The following OSBP2 variants were observed in gnomAD, a reference collection of about 807,000 sequenced individuals.
OSBP2 encodes the protein oxysterol binding protein 2.
In OSBP2, 66 loss-of-function variants were observed where a neutral mutation model predicts 96.0. That is an observed-to-expected ratio of 0.69 (90% CI 0.56 to 0.84). The LOEUF (loss-of-function observed/expected upper bound fraction) is 0.84. OSBP2 is among the 40% of genes least tolerant of loss of function. The pLI is 0.00. For missense variants in OSBP2, 1,038 were observed against 1,222.7 expected (o/e 0.85, Z 2.25); for synonymous variants, 525 against 520.9 (o/e 1.01, Z -0.11).
intron 2 of OSBP2, among the ~76,000 whole-genome samples, chr22:30,854,146 C>G (rs1013149302): frequency 6.6e-6 from 1 of 152,122 alleles, no homozygotes; most frequent in Non-Finnish European, 1.5e-5. Context: ...TTCACCACTT[C>G]AGCTGAAACC....
intron 1 of OSBP2, among the ~76,000 whole-genome samples, chr22:30,699,656 C>T (rs1011201713): frequency 5.3e-5 from 8 of 152,212 alleles, no homozygotes; most frequent in African/African-American, 1.9e-4. Context: ...ATTATTTTTA[C>T]CTTAATAGCA....
intron 3 of OSBP2, chr22:30,872,174 C>G (rs2039472334): frequency 2.6e-5 from 12 of 453,114 alleles, no homozygotes; most frequent in South Asian, 1.9e-4. Flanking sequence ...CACTGTTTTC[C>G]TACATCCACC....
At position 30,881,134 on chromosome 22, in the gene OSBP2, C is replaced by T. The variant is rs1169019746; in HGVS notation, c.1108-6292C>T. ...ACCACACTGCCCAGGGGCTCTGCAC[C>T]CCAGGCCGGCCCCTCTGCATCTCAG... On this transcript the variant is annotated intron_variant, in intron 3 of 13. Transcript: ENST00000332585. The surrounding 1 kb of genome is among the most constrained non-coding windows in gnomAD (Gnocchi z 4.5). Among the ~76,000 whole-genome samples the T allele has an allele frequency of 6.6e-6, 1 of 152,178 alleles. No individual in the cohort carries two copies. Among genetic ancestry groups the T allele is most frequent in the East Asian group, 1.9e-4 (1 of 5,192 alleles).
intron 2 of OSBP2, among the ~76,000 whole-genome samples, chr22:30,852,818 G>A (rs1007225382): frequency 5.9e-5 from 9 of 151,952 alleles, no homozygotes; most frequent in East Asian, 1.9e-4. Context: ...CACACATTTC[G>A]ATATGTTGTA....
intron 2 of OSBP2, among the ~76,000 whole-genome samples, chr22:30,809,771 C>G (rs1470893814): frequency 6.6e-6 from 1 of 152,134 alleles, no homozygotes; most frequent in Non-Finnish European, 1.5e-5. Flanking sequence ...CACATGGAAG[C>G]TGAGACCTCA....
intron 2 of OSBP2, among the ~76,000 whole-genome samples, chr22:30,755,326 A>C (rs1180248890): frequency 6.6e-6 from 1 of 152,110 alleles, no homozygotes; most frequent in African/African-American, 2.4e-5. Flanking sequence ...GCTGGGCTGG[A>C]GATGTACAGG....
At chr22:30,698,520 T>C (rs1602137396) in intron 1 of OSBP2, among the ~76,000 whole-genome samples, 1 of 150,950 alleles carries the variant, frequency 6.6e-6, no homozygotes, top group Admixed American at 6.6e-5. Context: ...CTCACTGCAA[T>C]CTCTGCCTCC....
intron 1 of OSBP2, among the ~76,000 whole-genome samples, chr22:30,737,525 TC>T (rs749295584): frequency 5.5e-4 from 83 of 151,156 alleles, no homozygotes; most frequent in Non-Finnish European, 5.5e-4. Context: ...ATGGGGGTCT[TC>T]CTATGTTGCC....
intron 12 of OSBP2, among the ~76,000 whole-genome samples, chr22:30,900,832 C>A (rs2040178227): frequency 6.6e-6 from 1 of 152,140 alleles, no homozygotes; most frequent in Non-Finnish European, 1.5e-5. Flanking sequence ...GGATAAATAT[C>A]TTTTAGACCC....
intron 2 of OSBP2, among the ~76,000 whole-genome samples, chr22:30,868,736 C>T (rs191102201): frequency 2.6e-5 from 4 of 152,262 alleles, no homozygotes; most frequent in Admixed American, 6.5e-5. Context: ...CAGGGTATGC[C>T]GTGGGCACCC....
chr22:30,893,574 G>T lies in OSBP2; in HGVS notation c.2094+8G>T. On this transcript the variant is annotated splice_region_variant and intron_variant, in intron 10 of 13. Transcript: ENST00000332585. ...AAGCTCTGGATCGACCAGGTCAGGG[G>T]CGCCCTTGGGGAGGGGGTGCATGGC... The T allele has an allele frequency of 6.2e-7, 1 of 1,613,790 alleles. No individual in the cohort carries two copies. Among genetic ancestry groups the T allele is most frequent in the Non-Finnish European group, 8.5e-7 (1 of 1,179,662 alleles).
chr22:30,721,382 C>G (rs1440017381), intron 1 of OSBP2, among the ~76,000 whole-genome samples: 2 of 152,212 alleles, frequency 1.3e-5, no homozygotes, highest in African/African-American at 4.8e-5. Flanking sequence ...GGGATCTCAT[C>G]TGTCTCATTC....
chr22:30,772,793 ATT>A (rs136323), intron 2 of OSBP2, among the ~76,000 whole-genome samples: 83,497 of 139,084 alleles, frequency 0.6, 24,945 homozygotes, highest in African/African-American at 0.72. Flanking sequence ...TGTTAAACGC[ATT>A]TTTTTTTTTT....
At chr22:30,727,606 G>A (rs766932503) in intron 1 of OSBP2, among the ~76,000 whole-genome samples, 6 of 152,090 alleles carry the variant, frequency 3.9e-5, no homozygotes, top group Non-Finnish European at 7.4e-5. Flanking sequence ...ATGCCACCTG[G>A]GCACTGCTGC....
At chr22:30,882,102 C>T (rs13056417) in intron 3 of OSBP2, among the ~76,000 whole-genome samples, 316 of 152,312 alleles carry the variant, frequency 2.1e-3, no homozygotes, top group Non-Finnish European at 3.5e-3. Context: ...AGGTCACTCA[C>T]GGCCAGTGTA....
chr22:30,872,337 T>C (rs750175001), intron 3 of OSBP2: 61 of 456,542 alleles, frequency 1.3e-4, no homozygotes, highest in Non-Finnish European at 3.5e-5. Context: ...TCCCAGGCAC[T>C]GCCTCCCTAC....
chr22:30,855,021 A>G (rs2039053462), intron 2 of OSBP2, among the ~76,000 whole-genome samples: 1 of 152,174 alleles, frequency 6.6e-6, no homozygotes, highest in African/African-American at 2.4e-5. Context: ...TCACAAGAAC[A>G]GTATGGGGGA....
intron 3 of OSBP2, among the ~76,000 whole-genome samples, chr22:30,886,914 C>T (rs2039822302): frequency 1.3e-5 from 2 of 152,164 alleles, no homozygotes; most frequent in East Asian, 3.9e-4. Context: ...GGCGAGTCTG[C>T]TGTGCAAAGT....
At chr22:30,900,102 TACG>T (rs2040163301) in intron 12 of OSBP2, among the ~76,000 whole-genome samples, 1 of 151,950 alleles carries the variant, frequency 6.6e-6, no homozygotes, top group South Asian at 2.1e-4. Context: ...CTACTAAAAA[TACG>T]ACATTAGGCG....
Sources: allele counts gnomAD v4.1 joint callset (sites outside exome capture counted in the v4.1 genomes callset), GRCh38; gene constraint gnomAD v4.1.1; non-coding constraint Gnocchi (gnomAD v3.1); transcripts MANE v1.5; gene names NCBI Gene and HGNC (gene_info 2026-07-23, HGNC 2026-07-21).